Variants in SNAP29 observed in about 807,000 individuals in gnomAD.
The protein encoded by SNAP29 is synaptosomal-associated protein 29.
Under a neutral mutation model 27.9 loss-of-function variants are expected in SNAP29, and 13 were observed. The observed-to-expected ratio is 0.47, with a 90% CI of 0.30 to 0.74. The LOEUF (loss-of-function observed/expected upper bound fraction) is 0.74. SNAP29 is among the 30% of genes least tolerant of loss of function. The pLI, the probability that SNAP29 is intolerant of heterozygous loss-of-function variation, is 0.06. For synonymous variants in SNAP29, 119 were observed against 127.1 expected, an observed-to-expected ratio of 0.94 and a Z score of 0.43; for missense variants, 368 against 336.5, an observed-to-expected ratio of 1.09 and a Z score of -0.73.
chr22:20,870,846 A>C, intron 2 of SNAP29: 1 of 408,214 alleles, frequency 2.4e-6, no homozygotes, highest in Non-Finnish European at 4.6e-6. Context: ...TGCTTTAAAA[A>C]ATCTTTAGGG....
intron 1 of SNAP29, among the ~76,000 whole-genome samples, chr22:20,866,540 C>T (rs1053475662): frequency 4.6e-5 from 7 of 152,274 alleles, no homozygotes; most frequent in African/African-American, 1.2e-4. Flanking sequence ...GGGGAGGTCT[C>T]GGTCACGGAA....
At chr22:20,875,331 A>C (rs764026967) in intron 2 of SNAP29, among the ~76,000 whole-genome samples, 6 of 152,196 alleles carry the variant, frequency 3.9e-5, no homozygotes, top group African/African-American at 1.4e-4. Flanking sequence ...ATTAGCCCCA[A>C]TCAGTTGTAG....
At chr22:20,874,631 C>T (rs1228757743) in intron 2 of SNAP29, among the ~76,000 whole-genome samples, 1 of 150,090 alleles carries the variant, frequency 6.7e-6, no homozygotes, top group Non-Finnish European at 1.5e-5. Context: ...GCCCTGGGAA[C>T]CTGCCGGCCT....
At chr22:20,871,494 A>T (rs944120395) in intron 2 of SNAP29, among the ~76,000 whole-genome samples, 7 of 151,390 alleles carry the variant, frequency 4.6e-5, no homozygotes, top group African/African-American at 7.3e-5. Flanking sequence ...AAAAAAAAAA[A>T]AAAAAAAAAA....
At chr22:20,866,118 G>A (rs2147861635) in intron 1 of SNAP29, among the ~76,000 whole-genome samples, 1 of 152,366 alleles carries the variant, frequency 6.6e-6, no homozygotes, top group Admixed American at 6.5e-5. Context: ...TCTTTGGAAT[G>A]TGGAGTGTAT....
intron 2 of SNAP29, among the ~76,000 whole-genome samples, chr22:20,877,294 C>T (rs1034328058): frequency 6.6e-6 from 1 of 152,076 alleles, no homozygotes; most frequent in Non-Finnish European, 1.5e-5. Context: ...CGGTGGCTCA[C>T]GCCTGTAATC....
Position 20,859,052 on chromosome 22 carries a change from A to ACGG in SNAP29, c.-51_-49dup, listed in dbSNP as rs1424586852. On this transcript the variant is annotated 5_prime_UTR_variant, in exon 1 of 5. Coordinates refer to ENST00000215730, the MANE Select transcript of SNAP29 (RefSeq NM_004782.4). ...GTCGGCGGGCGGGGCGAGGCCCTGGACGGCGGCGGCAGTGGGGCTCCTCCT... is the reference window on the plus strand; with the variant it reads ...GTCGGCGGGCGGGGCGAGGCCCTGGACGGCGGCGGCGGCAGTGGGGCTCCTCCT... 12 of 1,455,930 alleles carry ACGG rather than the reference A, an allele frequency of 8.2e-6. No homozygotes were observed. Among genetic ancestry groups the ACGG allele is most frequent in the Non-Finnish European group, 7.6e-6 (8 of 1,052,610 alleles). 90.2% of individuals were successfully genotyped at this position (1,455,930 alleles called of 1,614,324 possible). A position where few individuals can be genotyped will look rare whatever the true frequency, so the allele number is the denominator to read the frequency against.
In SNAP29 at chr22:20,879,168, G is replaced by A. The variant is rs9613183; in HGVS notation, c.435-1881G>A. ...TAAAAATACAAAAAATTAGCCGGGC[G>A]TGGTAGTGGGCGCCTGTAGTCCCAG... On this transcript the variant is annotated intron_variant, in intron 2 of 4. Coordinates refer to ENST00000215730, the MANE Select transcript of SNAP29 (RefSeq NM_004782.4). 1.7e-3 allele frequency among the ~76,000 whole-genome samples: 256 copies of A among 152,232 alleles called. 1 individual carries two copies. Among genetic ancestry groups the A allele is most frequent in the South Asian group, 5.2e-3 (25 of 4,824 alleles).
Position 20,888,333 on chromosome 22 carries a change from ACACACACACACACACACACACACT to A in SNAP29, c.*499_*522del, listed in dbSNP as rs907767630. The stretch of plus-strand genomic sequence containing the variant: ...CATTCACACACACACACACACACAC[ACACACACACACACACACACACACT>A]CTCTGAGCACATTATCTGTGATTCT... On this transcript the variant is annotated 3_prime_UTR_variant, in exon 5 of 5. Transcript: ENST00000215730. 2.2e-5 allele frequency: 4 copies of A among 182,404 alleles called. No homozygotes were observed. The highest frequency in any genetic ancestry group is 4.2e-5 in the Non-Finnish European group (4 of 95,958). The allele number at this position is 182,404 out of a possible 1,614,324, so 11.3% of individuals were successfully genotyped here.
At position 20,890,191 on chromosome 22, in the gene SNAP29, G is replaced by C. The variant is rs1929115711; in HGVS notation, c.*2355G>C. 1 of 398,252 alleles carries C rather than the reference G, an allele frequency of 2.5e-6. No homozygotes were observed. The highest frequency in any genetic ancestry group is 4.4e-6 in the Non-Finnish European group (1 of 225,916). 24.7% of individuals were successfully genotyped at this position (398,252 alleles called of 1,614,324 possible). On this transcript the variant is annotated 3_prime_UTR_variant, in exon 5 of 5. Coordinates refer to ENST00000215730, the MANE Select transcript of SNAP29 (RefSeq NM_004782.4). ...GTTGCTGATGCTACTTTATAAATGA[G>C]TTGCTTGCATTTTCACAGAGAATGA...
At chr22:20,881,200 G>C in intron 3 of SNAP29, 66 bp downstream of exon 3, 1 of 1,133,362 alleles carries the variant, frequency 8.8e-7, no homozygotes, top group East Asian at 2.5e-5. Context: ...GTTTGGCGTT[G>C]GTCCTTGGGG....
chr22:20,878,970 G>GA (rs1455716597), intron 2 of SNAP29, among the ~76,000 whole-genome samples: 2 of 152,074 alleles, frequency 1.3e-5, no homozygotes, highest in African/African-American at 2.4e-5. Context: ...TACGTGATGA[G>GA]AAAAAAACAT....
At chr22:20,884,526 C>T (rs1286115260) in intron 4 of SNAP29, among the ~76,000 whole-genome samples, 1 of 152,044 alleles carries the variant, frequency 6.6e-6, no homozygotes, top group East Asian at 1.9e-4. Flanking sequence ...GATGGGCTCC[C>T]CCGACTCTCT....
chr22:20,873,964 CAAAAAAAAAAAAAAAAAAA>C (rs362036), intron 2 of SNAP29, among the ~76,000 whole-genome samples: 1 of 25,970 alleles, frequency 3.9e-5, no homozygotes, highest in East Asian at 1.4e-3. Flanking sequence ...GACTCTGTCT[CAAAAAAAAAAAAAAAAAAA>C]AAAAAAAAAA....
chr22:20,861,603 A>G (rs1928321374), intron 1 of SNAP29, among the ~76,000 whole-genome samples: 2 of 151,612 alleles, frequency 1.3e-5, no homozygotes, highest in African/African-American at 4.9e-5. Context: ...ACACCTGGCT[A>G]ATTTTTTTGT....
chr22:20,875,529 C>A (rs914945544), intron 2 of SNAP29, among the ~76,000 whole-genome samples: 1 of 152,130 alleles, frequency 6.6e-6, no homozygotes, highest in African/African-American at 2.4e-5. Flanking sequence ...AGGAAGGCTG[C>A]ACAAAGGACC....
At chr22:20,868,548 C>T (rs1481828668) in intron 1 of SNAP29, among the ~76,000 whole-genome samples, 1 of 152,162 alleles carries the variant, frequency 6.6e-6, no homozygotes, top group Non-Finnish European at 1.5e-5. Context: ...GCATTTTGCT[C>T]TTCAGGTTTC....
chr22:20,883,391 T>A, intron 3 of SNAP29, 80 bp from the exon 4 acceptor site: 1 of 944,164 alleles, frequency 1.1e-6, no homozygotes, highest in Non-Finnish European at 1.7e-6. Flanking sequence ...ATTTTCCAGA[T>A]GAAATTGTTT....
intron 2 of SNAP29, among the ~76,000 whole-genome samples, chr22:20,871,882 A>C (rs1928600997): frequency 6.8e-6 from 1 of 147,010 alleles, no homozygotes; most frequent in Non-Finnish European, 1.5e-5. Context: ...ACTCCGTCTC[A>C]AAAAAAAAAA....
Sources: gnomAD v4.1 joint callset for allele counts (sites outside exome capture counted in the v4.1 genomes callset) on GRCh38, gnomAD v4.1.1 for gene constraint, MANE v1.5 for transcripts, NCBI Gene and HGNC (gene_info 2026-07-23, HGNC 2026-07-21) for gene names.